The following SLC44A5 variants were observed in gnomAD, a reference collection of about 807,000 sequenced individuals.
SLC44A5 encodes solute carrier family 44 member 5, also known as choline transporter-like protein 5.
In SLC44A5, 57 loss-of-function variants were observed where a neutral mutation model predicts 101.8. That is an observed-to-expected ratio of 0.56 (90% CI 0.45 to 0.70). The LOEUF is 0.70. Ranked by LOEUF, SLC44A5 falls within the 30% of genes least tolerant of loss-of-function variation. SLC44A5 has a pLI of 0.00. For synonymous variants in SLC44A5, 281 were observed against 290.9 expected, an observed-to-expected ratio of 0.97 and a Z score of 0.35; for missense variants, 737 against 853.1, an observed-to-expected ratio of 0.86 and a Z score of 1.70.
intron 1 of SLC44A5, among the ~76,000 whole-genome samples, chr1:75,599,669 T>C (rs958102868): frequency 1.3e-5 from 2 of 152,112 alleles, no homozygotes; most frequent in African/African-American, 4.8e-5. Flanking sequence ...TGCTTAATCT[T>C]GGAAAAAAAT....
At chr1:75,613,959 A>G (rs1457811068), upstream of SLC44A5, among the ~76,000 whole-genome samples, 1 of 152,214 alleles carries the variant, frequency 6.6e-6, no homozygotes, top group Admixed American at 6.5e-5. Context: ...TTTCAAGGGT[A>G]AGATTTTCTC....
chr1:75,562,035 CA>C (rs549443197), intron 1 of SLC44A5, among the ~76,000 whole-genome samples: 3 of 151,322 alleles, frequency 2.0e-5, no homozygotes, highest in Admixed American at 6.6e-5. Flanking sequence ...ATAATATGTA[CA>C]AAAAAAATCC....
At chr1:75,648,187 G>A in the SLC44A5 span, among the ~76,000 whole-genome samples, 2 of 152,110 alleles carry the variant, frequency 1.3e-5, no homozygotes, top group African/African-American at 2.4e-5. Flanking sequence ...AGTTTTTTAA[G>A]GGGCTTTTTC....
chr1:75,213,720 G>A lies in SLC44A5; in HGVS notation c.1947C>T (p.Tyr649=), dbSNP rs2100463449. 2 of 1,611,216 alleles carry A rather than the reference G, an allele frequency of 1.2e-6. No homozygotes were observed. The highest frequency in any genetic ancestry group is 1.7e-6 in the Non-Finnish European group (2 of 1,177,664). ...CAGCTCTTACCAGCAAAGGTACCCA[G>A]TAGTAATTTAAAGATGCTGGTCCTT... is the stretch of plus-strand genomic sequence containing the variant. The part of the protein sequence containing the change: ...IAQGPASLNY[Y]WVPLLTVIFG... Residue 649 remains tyrosine (Y), a synonymous_variant, in exon 22 of 24, where the codon TAC becomes TAT. Transcript: ENST00000370859.
intron 4 of SLC44A5, among the ~76,000 whole-genome samples, chr1:75,320,076 G>A (rs1028308863): frequency 6.6e-6 from 1 of 152,026 alleles, no homozygotes; most frequent in African/African-American, 2.4e-5. Context: ...ACATAAAAAT[G>A]TGTTTATTAT....
rs574798369 is a variant in SLC44A5 at position 75,598,840 on chromosome 1, T to C, written c.-70+12200A>G. On this transcript the variant is annotated intron_variant, in intron 1 of 23. Transcript: ENST00000370859. Reference sequence around the variant, plus strand: ...ACTAGTGGGTACTAGGCTTAACACCTGGGTGATGAAATAACCTGTACAACA... The same window carrying C: ...ACTAGTGGGTACTAGGCTTAACACCCGGGTGATGAAATAACCTGTACAACA... 2.2e-3 allele frequency among the ~76,000 whole-genome samples: 338 copies of C among 152,270 alleles called. 1 individual carries two copies. Among genetic ancestry groups the C allele is most frequent in the Non-Finnish European group, 3.6e-3 (243 of 68,012 alleles).
chr1:75,513,730 C>T (rs1403416954), intron 2 of SLC44A5, among the ~76,000 whole-genome samples: 4 of 152,094 alleles, frequency 2.6e-5, no homozygotes, highest in Admixed American at 1.3e-4. Context: ...CAAAAGGGAG[C>T]CTTTGAAGAG....
chr1:75,459,244 G>A (rs1027125944), intron 2 of SLC44A5, among the ~76,000 whole-genome samples: 6 of 152,108 alleles, frequency 3.9e-5, no homozygotes, highest in East Asian at 1.9e-4. Flanking sequence ...CCTGTCTTAC[G>A]AAATTGACAT....
At chr1:75,223,170 G>A (rs555103964) in intron 13 of SLC44A5, among the ~76,000 whole-genome samples, 2 of 152,290 alleles carry the variant, frequency 1.3e-5, no homozygotes, top group East Asian at 1.9e-4. Flanking sequence ...AAGACAGCAA[G>A]GAGAGGAAAT....
chr1:75,613,565 T>TA (rs1175130195), upstream of SLC44A5, among the ~76,000 whole-genome samples: 2 of 152,210 alleles, frequency 1.3e-5, no homozygotes, highest in Non-Finnish European at 2.9e-5. Context: ...GAACTTGTTT[T>TA]AAAAAACAAG....
At chr1:75,655,353 C>G in the SLC44A5 span, among the ~76,000 whole-genome samples, 1 of 151,948 alleles carries the variant, frequency 6.6e-6, no homozygotes, top group Admixed American at 6.6e-5. Context: ...CTTCAGGTGC[C>G]CAGGAAGGGA....
the SLC44A5 span, among the ~76,000 whole-genome samples, chr1:75,720,896 C>A: frequency 3.3e-5 from 5 of 152,044 alleles, no homozygotes; most frequent in African/African-American, 1.2e-4. Context: ...AGGTTATAGG[C>A]AGATTTAAAC....
At position 75,463,406 on chromosome 1, in the gene SLC44A5, C is replaced by T. The variant is rs186808646; in HGVS notation, c.14-66785G>A. 1.8e-4 allele frequency among the ~76,000 whole-genome samples: 19 copies of T among 102,742 alleles called. No homozygotes were observed. The South Asian group carries it at 2.8e-3, about 15-fold the overall frequency. 67.4% of individuals were successfully genotyped at this position (102,742 alleles called of 152,430 possible). A position where few individuals can be genotyped will look rare whatever the true frequency, so the allele number is the denominator to read the frequency against. ...CTGCACTCCAGCCTGGGCTAAAGAG[C>T]GGGACTCTGTCTCAAAAAAAAAAAA... On this transcript the variant is annotated intron_variant, in intron 2 of 23. Coordinates refer to ENST00000370859, the MANE Select transcript of SLC44A5 (RefSeq NM_001130058.2).
chr1:75,349,870 T>C (rs561324141), intron 3 of SLC44A5, among the ~76,000 whole-genome samples: 1 of 152,236 alleles, frequency 6.6e-6, no homozygotes, highest in East Asian at 1.9e-4. Context: ...GCTGCAATTT[T>C]AAAAGAGTAG....
At chr1:75,312,280 T>G (rs1199384465) in intron 4 of SLC44A5, among the ~76,000 whole-genome samples, 2 of 152,090 alleles carry the variant, frequency 1.3e-5, no homozygotes, top group Non-Finnish European at 2.9e-5. Flanking sequence ...TTCCCCAGTC[T>G]CGGGTATGTC....
rs1397267985 is a variant in SLC44A5 at position 75,335,477 on chromosome 1, G to A, written c.101+4105C>T. ...TTGATGAGTGTGGAGTCAGAACAAG[G>A]GGAATTGCATGAATAGAATATCTGA... is the stretch of plus-strand genomic sequence containing the variant. On this transcript the variant is annotated intron_variant, in intron 4 of 23. Transcript: ENST00000370859. Among the ~76,000 whole-genome samples, 7 of 152,090 alleles carry A rather than the reference G, an allele frequency of 4.6e-5. No homozygotes were observed. In the East Asian group the frequency reaches 1.3e-3, roughly 29 times the overall value.
chr1:75,397,300 T>A (rs1359308531), intron 2 of SLC44A5, among the ~76,000 whole-genome samples: 1 of 152,176 alleles, frequency 6.6e-6, no homozygotes, highest in Admixed American at 6.6e-5. Flanking sequence ...ACAAAAACAC[T>A]AATGCTTTCT....
chr1:75,646,992 G>A, the SLC44A5 span, among the ~76,000 whole-genome samples: 1 of 152,346 alleles, frequency 6.6e-6, no homozygotes, highest in Non-Finnish European at 1.5e-5. Context: ...CATAAGTAAT[G>A]AGGAGCCCAA....
intron 3 of SLC44A5, among the ~76,000 whole-genome samples, chr1:75,395,611 AAAG>A (rs1662075657): frequency 6.6e-6 from 1 of 152,148 alleles, no homozygotes; most frequent in African/African-American, 2.4e-5. Context: ...GGTTTTGAGA[AAAG>A]AGGCAGGAAA....
Sources: gnomAD v4.1 joint callset for allele counts (sites outside exome capture counted in the v4.1 genomes callset) on GRCh38, gnomAD v4.1.1 for gene constraint, MANE v1.5 for transcripts, NCBI Gene and HGNC (gene_info 2026-07-23, HGNC 2026-07-21) for gene names.